Variants in SLC22A3 observed in about 807,000 individuals in gnomAD.
SLC22A3 encodes the protein solute carrier family 22 member 3.
In SLC22A3, 51 loss-of-function variants were observed where a neutral mutation model predicts 59.1. That is an observed-to-expected ratio of 0.86 (90% confidence interval 0.69 to 1.09). The LOEUF is 1.09. SLC22A3 is among the 50% of genes least tolerant of loss of function. SLC22A3 has a pLI of 0.00. For missense variants in SLC22A3, 711 were observed against 726.3 expected (o/e 0.98, Z 0.24); for synonymous variants, 325 against 292.0 (o/e 1.11, Z -1.15).
At chr6:160,396,103 T>C (rs987883007) in intron 1 of SLC22A3, among the ~76,000 whole-genome samples, 1 of 152,226 alleles carries the variant, frequency 6.6e-6, no homozygotes, top group Non-Finnish European at 1.5e-5. Flanking sequence ...CGTCTAAGAA[T>C]ATGTCCCTTT....
chr6:160,441,691 T>C (rs1323904420), intron 7 of SLC22A3, among the ~76,000 whole-genome samples: 11 of 149,768 alleles, frequency 7.3e-5, no homozygotes, highest in African/African-American at 2.7e-4. Context: ...TTCATCCTCC[T>C]CATTCATTTC....
chr6:160,350,062 G>A (rs1784609965), intron 1 of SLC22A3, among the ~76,000 whole-genome samples: 1 of 152,140 alleles, frequency 6.6e-6, no homozygotes, highest in Admixed American at 6.5e-5. Context: ...TGGTGTGTTC[G>A]CACAGTGGAT....
At chr6:160,360,001 A>G (rs1057123554) in intron 1 of SLC22A3, among the ~76,000 whole-genome samples, 2 of 152,234 alleles carry the variant, frequency 1.3e-5, no homozygotes, top group Admixed American at 1.3e-4. Flanking sequence ...CATATTTCAT[A>G]TACTTTTCAA....
chr6:160,402,620 A>C (rs1786830150), intron 2 of SLC22A3, among the ~76,000 whole-genome samples: 1 of 151,898 alleles, frequency 6.6e-6, no homozygotes, highest in South Asian at 2.1e-4. Flanking sequence ...ATTCACATGC[A>C]ATATTCAAGA....
At chr6:160,352,556 G>A (rs913072453) in intron 1 of SLC22A3, among the ~76,000 whole-genome samples, 12 of 152,276 alleles carry the variant, frequency 7.9e-5, no homozygotes, top group East Asian at 3.9e-4. Context: ...TCAGAGCAGG[G>A]CTTCAGAACA....
chr6:160,377,511 C>T (rs1028841650), intron 1 of SLC22A3, among the ~76,000 whole-genome samples: 3 of 151,556 alleles, frequency 2.0e-5, no homozygotes, highest in Admixed American at 2.0e-4. Context: ...AACAGGGAAA[C>T]GTTTGCAAAG....
chr6:160,433,514 C>CTCT (rs1319831887), intron 5 of SLC22A3, among the ~76,000 whole-genome samples: 2 of 76,454 alleles, frequency 2.6e-5, no homozygotes, highest in African/African-American at 1.1e-4. Context: ...AAGACCCTGT[C>CTCT]TCTACTACTA....
chr6:160,438,620 AC>A (rs1788435719), intron 7 of SLC22A3, among the ~76,000 whole-genome samples: 1 of 151,720 alleles, frequency 6.6e-6, no homozygotes, highest in Admixed American at 6.6e-5. Context: ...ACACACACAC[AC>A]ACAATGTACA....
chr6:160,420,175 T>C (rs1435707884), intron 5 of SLC22A3, among the ~76,000 whole-genome samples: 1 of 152,102 alleles, frequency 6.6e-6, no homozygotes, highest in Non-Finnish European at 1.5e-5. Context: ...CACCGAAAGA[T>C]ATTGAGGGGA....
Position 160,437,125 on chromosome 6 carries a change from T to C in SLC22A3, c.1202T>C (p.Ile401Thr), listed in dbSNP as rs369478939. The C allele has an allele frequency of 2.1e-5, 34 of 1,614,044 alleles. No individual in the cohort carries two copies. The Middle Eastern group carries it at 9.9e-4, about 47-fold the overall frequency. Residue 401 changes from isoleucine to threonine, a missense_variant, in exon 7 of 11, where the codon ATT becomes ACT. By Grantham distance (89) the Ile-to-Thr change is moderately conservative. Transcript: ENST00000275300. ...GGAGCTCTCTTGATCTTACTAACCA[T>C]TGAGCGCCTTGGACGACGCCTCCCC... ...LPGALLILLT[I>T]ERLGRRLPFA...
chr6:160,390,793 A>G (rs1020891637), intron 1 of SLC22A3, among the ~76,000 whole-genome samples: 1 of 152,224 alleles, frequency 6.6e-6, no homozygotes, highest in African/African-American at 2.4e-5. Flanking sequence ...ATGAAACAAT[A>G]TACCAGAAAC....
In SLC22A3 at chr6:160,348,502, C is replaced by A. The variant is rs772563238; in HGVS notation, c.83C>A (p.Thr28Lys). Residue 28 changes from threonine to lysine, a missense_variant, in exon 1 of 11, where the codon ACG becomes AAG. By Grantham distance (78) the Thr-to-Lys change is moderately conservative. Coordinates refer to ENST00000275300, the MANE Select transcript of SLC22A3 (RefSeq NM_021977.4). ...CGCGTGTTTTTGCTGCTGTGCCTGA[C>A]GGGCGTCACCTTCGCCTTCCTCTTC... ...QRRVFLLLCL[T>K]GVTFAFLFVG... The A allele has an allele frequency of 1.3e-6, 2 of 1,563,114 alleles. No homozygotes were observed. Among genetic ancestry groups the A allele is most frequent in the Non-Finnish European group, 1.7e-6 (2 of 1,161,580 alleles).
chr6:160,445,391 G>A (rs537894301), intron 9 of SLC22A3, among the ~76,000 whole-genome samples: 14 of 152,334 alleles, frequency 9.2e-5, no homozygotes, highest in African/African-American at 1.7e-4. Context: ...GACTGGATCC[G>A]GAAGGGCCTC....
intron 2 of SLC22A3, among the ~76,000 whole-genome samples, chr6:160,404,703 C>T (rs955291489): frequency 2.6e-5 from 4 of 151,998 alleles, no homozygotes; most frequent in Non-Finnish European, 4.4e-5. Flanking sequence ...TACCGTAAAG[C>T]GACAGTAATC....
chr6:160,431,454 TA>T (rs764604714), intron 5 of SLC22A3, among the ~76,000 whole-genome samples: 5 of 152,204 alleles, frequency 3.3e-5, no homozygotes, highest in Non-Finnish European at 5.9e-5. Context: ...GATTTGTCCT[TA>T]AATGTAGCAA....
intron 1 of SLC22A3, among the ~76,000 whole-genome samples, chr6:160,389,130 C>T (rs975366930): frequency 9.9e-5 from 15 of 152,126 alleles, no homozygotes; most frequent in Admixed American, 3.3e-4. Flanking sequence ...AGAACACTCA[C>T]GGTCAGATGA....
intron 1 of SLC22A3, among the ~76,000 whole-genome samples, chr6:160,384,038 T>G (rs936514917): frequency 3.9e-5 from 6 of 152,190 alleles, no homozygotes; most frequent in African/African-American, 1.4e-4. Flanking sequence ...CAAGCAATTC[T>G]CCTGCCTCAG....
At chr6:160,427,074 A>G (rs1468176516) in intron 5 of SLC22A3, among the ~76,000 whole-genome samples, 1 of 151,838 alleles carries the variant, frequency 6.6e-6, no homozygotes, top group Non-Finnish European at 1.5e-5. Context: ...GGCAGTCAGG[A>G]CTCTCCCAGC....
At chr6:160,430,703 TAG>T (rs1788121194) in intron 5 of SLC22A3, among the ~76,000 whole-genome samples, 1 of 152,196 alleles carries the variant, frequency 6.6e-6, no homozygotes, top group African/African-American at 2.4e-5. Flanking sequence ...TTCCCATGAA[TAG>T]AGAGTGTCGA....
Sources: allele counts gnomAD v4.1 joint callset (sites outside exome capture counted in the v4.1 genomes callset), GRCh38; gene constraint gnomAD v4.1.1; transcripts MANE v1.5; gene names NCBI Gene and HGNC (gene_info 2026-07-23, HGNC 2026-07-21).